Variants in CFAP299 observed in about 807,000 individuals in gnomAD.
CFAP299 encodes the protein cilia- and flagella-associated protein 299.
In CFAP299, 21 loss-of-function variants were observed where a neutral mutation model predicts 27.0. That is an observed-to-expected ratio of 0.78 (90% CI 0.55 to 1.12). The LOEUF is 1.12. CFAP299 is among the 50% of genes most tolerant of loss of function. CFAP299 has a pLI of 0.00. For missense variants in CFAP299, 310 were observed against 276.6 expected (o/e 1.12, Z -0.86); for synonymous variants, 104 against 98.1 (o/e 1.06, Z -0.36).
At chr4:80,864,113 A>G (rs989967923) in intron 3 of CFAP299, among the ~76,000 whole-genome samples, 19 of 152,070 alleles carry the variant, frequency 1.2e-4, no homozygotes, top group Non-Finnish European at 7.4e-5. Flanking sequence ...AAATTTACCA[A>G]AAATCATTGA....
Position 80,362,829 on chromosome 4 carries a change from GAAGCAAGGA to G in CFAP299, c.192_200del (p.Arg65_Ala67del). ...AGAGAGAGTGAAAAGGGAAGATTTT[GAAGCAAGGA>G]AAGCGGCTATAGAGATTGCAAGACT... is the stretch of plus-strand genomic sequence containing the variant. On this transcript the variant is annotated inframe_deletion, in exon 2 of 6. Coordinates refer to ENST00000358105, the MANE Select transcript of CFAP299 (RefSeq NM_152770.3). The G allele has an allele frequency of 6.2e-7, 1 of 1,613,198 alleles. No homozygotes were observed. Among genetic ancestry groups the G allele is most frequent in the Non-Finnish European group, 8.5e-7 (1 of 1,179,774 alleles).
At position 80,646,237 on chromosome 4, in the gene CFAP299, G is replaced by A. The variant is rs535151603; in HGVS notation, c.333+63054G>A. 7.2e-5 allele frequency among the ~76,000 whole-genome samples: 11 copies of A among 152,086 alleles called. No homozygotes were observed. In the South Asian group the frequency reaches 1.0e-3, roughly 14 times the overall value. Reference sequence around the variant, plus strand: ...GAGAGTTTAGCCTTGACATTCCTTCGTCCCATGCAATATTTGTTAAATAAA... The same window carrying A: ...GAGAGTTTAGCCTTGACATTCCTTCATCCCATGCAATATTTGTTAAATAAA... On this transcript the variant is annotated intron_variant, in intron 3 of 5. Transcript: ENST00000358105.
intron 4 of CFAP299, among the ~76,000 whole-genome samples, chr4:80,909,961 T>C (rs1374667866): frequency 6.6e-6 from 1 of 152,142 alleles, no homozygotes; most frequent in African/African-American, 2.4e-5. Flanking sequence ...TTAATAACTA[T>C]TGCTTGAATT....
At chr4:80,655,670 T>G (rs1386545782) in intron 3 of CFAP299, among the ~76,000 whole-genome samples, 2 of 152,146 alleles carry the variant, frequency 1.3e-5, no homozygotes, top group African/African-American at 2.4e-5. Flanking sequence ...GAGTAGACAC[T>G]TCAACTTGAA....
At chr4:80,569,481 T>G (rs969384504) in intron 2 of CFAP299, among the ~76,000 whole-genome samples, 1 of 152,084 alleles carries the variant, frequency 6.6e-6, no homozygotes, top group Non-Finnish European at 1.5e-5. Flanking sequence ...TTTTGAGAAA[T>G]TTTAACTTAG....
intron 3 of CFAP299, among the ~76,000 whole-genome samples, chr4:80,770,392 C>A (rs1726141921): frequency 6.6e-6 from 1 of 152,108 alleles, no homozygotes. Context: ...CTTTGCTTGA[C>A]AATCTCCTTA....
At chr4:80,573,066 A>G (rs1418068386) in intron 2 of CFAP299, among the ~76,000 whole-genome samples, 1 of 152,046 alleles carries the variant, frequency 6.6e-6, no homozygotes. Context: ...CATAGTGGCT[A>G]TAGTAATTTA....
chr4:80,339,962 A>G (rs1722358087), intron 1 of CFAP299, among the ~76,000 whole-genome samples: 1 of 152,232 alleles, frequency 6.6e-6, no homozygotes, highest in Non-Finnish European at 1.5e-5. Context: ...TAAAGTATTT[A>G]CAGAGATAAA....
intron 2 of CFAP299, among the ~76,000 whole-genome samples, chr4:80,565,035 G>A (rs1376955078): frequency 1.3e-5 from 2 of 151,876 alleles, no homozygotes; most frequent in East Asian, 1.9e-4. Flanking sequence ...AAAACTGTAC[G>A]TGGGACTACA....
At chr4:80,386,707 G>A (rs1308761965) in intron 2 of CFAP299, 3 of 1,573,864 alleles carry the variant, frequency 1.9e-6, no homozygotes, top group Non-Finnish European at 1.7e-6. Context: ...TGCACAGGGC[G>A]CATTTGTGGA....
chr4:80,391,378 T>C (rs1358727387), intron 2 of CFAP299, among the ~76,000 whole-genome samples: 1 of 152,160 alleles, frequency 6.6e-6, no homozygotes, highest in Non-Finnish European at 1.5e-5. Flanking sequence ...TTGCCAAAGC[T>C]TGTTATCTTT....
intron 4 of CFAP299, among the ~76,000 whole-genome samples, chr4:80,882,884 A>T (rs1733781618): frequency 6.6e-6 from 1 of 152,182 alleles, no homozygotes; most frequent in Admixed American, 6.5e-5. Flanking sequence ...GCTCATTACA[A>T]GACCTGCCTT....
chr4:80,421,406 A>G (rs1727279456), intron 2 of CFAP299, among the ~76,000 whole-genome samples: 1 of 152,246 alleles, frequency 6.6e-6, no homozygotes, highest in Admixed American at 6.5e-5. Context: ...AGTTAAATAC[A>G]CACTGATTTC....
At chr4:80,384,016 T>C (rs900864949) in intron 2 of CFAP299, among the ~76,000 whole-genome samples, 1 of 152,196 alleles carries the variant, frequency 6.6e-6, no homozygotes, top group African/African-American at 2.4e-5. Context: ...TATAGTTAGT[T>C]ACAAGGCTCA....
At chr4:80,813,069 T>C (rs185847986) in intron 3 of CFAP299, among the ~76,000 whole-genome samples, 82 of 152,178 alleles carry the variant, frequency 5.4e-4, no homozygotes, top group African/African-American at 1.7e-3. Flanking sequence ...AGCTGAACAC[T>C]TTGTAATAGA....
chr4:80,772,738 G>A (rs192114890), intron 3 of CFAP299, among the ~76,000 whole-genome samples: 23 of 151,770 alleles, frequency 1.5e-4, no homozygotes, highest in African/African-American at 5.1e-4. Flanking sequence ...AAAAGGCCCC[G>A]GAGTGTGTTA....
At chr4:80,669,149 CTTTTTT>C (rs869091451) in intron 3 of CFAP299, among the ~76,000 whole-genome samples, 3 of 17,156 alleles carry the variant, frequency 1.7e-4, no homozygotes, top group South Asian at 3.0e-3. Context: ...TTCTTTCTTT[CTTTTTT>C]TTTTTTTTTT....
intron 2 of CFAP299, among the ~76,000 whole-genome samples, chr4:80,453,810 C>CA (rs921199379): frequency 2.2e-4 from 33 of 149,140 alleles, no homozygotes; most frequent in Non-Finnish European, 3.3e-4. Context: ...CACTACACTC[C>CA]AGCCTGGGTG....
intron 1 of CFAP299, among the ~76,000 whole-genome samples, chr4:80,357,956 C>G (rs1723354386): frequency 6.6e-6 from 1 of 152,054 alleles, no homozygotes; most frequent in East Asian, 1.9e-4. Flanking sequence ...ATTTTTCCAA[C>G]TTTTTGATAT....
Sources: gnomAD v4.1 joint callset for allele counts (sites outside exome capture counted in the v4.1 genomes callset) on GRCh38, gnomAD v4.1.1 for gene constraint, MANE v1.5 for transcripts, NCBI Gene and HGNC (gene_info 2026-07-23, HGNC 2026-07-21) for gene names.